Variants in COMMD1 observed in about 807,000 individuals in gnomAD.
COMMD1 encodes COMM domain-containing protein 1.
In COMMD1, 10 loss-of-function variants were observed where a neutral mutation model predicts 17.2. That is an observed-to-expected ratio of 0.58 (90% CI 0.36 to 0.99). The LOEUF (loss-of-function observed/expected upper bound fraction) is 0.99. COMMD1 is among the 50% of genes least tolerant of loss of function. COMMD1 has a pLI of 0.01. For missense variants in COMMD1, 270 were observed against 231.8 expected (o/e 1.17, Z -1.07); for synonymous variants, 97 against 91.6 (o/e 1.06, Z -0.34).
intron 1 of COMMD1, among the ~76,000 whole-genome samples, chr2:61,966,650 G>C (rs13429469): frequency 0.12 from 17,613 of 151,662 alleles, 2,435 homozygotes; most frequent in African/African-American, 0.33. Context: ...GTGGCAAAAA[G>C]AGGACTAATT....
At position 61,994,921 on chromosome 2, in the gene COMMD1, A is replaced by G. The variant is rs960178328; in HGVS notation, c.181-5780A>G. Among the ~76,000 whole-genome samples, 11 of 152,096 alleles carry G rather than the reference A, an allele frequency of 7.2e-5. No homozygotes were observed. The East Asian group carries it at 1.7e-3, about 24-fold the overall frequency. On this transcript the variant is annotated intron_variant, in intron 1 of 2. Coordinates refer to ENST00000311832, the MANE Select transcript of COMMD1 (RefSeq NM_152516.4). ...TTGTGATCTGTCTGGTTTGGAGCTT[A>G]TGCCAGTCCCCATGGCCACTAGCAG...
chr2:62,080,920 A>G (rs989768331), intron 2 of COMMD1, among the ~76,000 whole-genome samples: 1 of 151,916 alleles, frequency 6.6e-6, no homozygotes, highest in Non-Finnish European at 1.5e-5. Context: ...TAATAGCTGC[A>G]TAATACTTAT....
chr2:61,951,730 A>G (rs1263840048), intron 1 of COMMD1, among the ~76,000 whole-genome samples: 1 of 152,204 alleles, frequency 6.6e-6, no homozygotes, highest in Non-Finnish European at 1.5e-5. Flanking sequence ...ATTCAACATG[A>G]TAGCGAACAT....
At chr2:61,925,700 A>G (rs955152126) in intron 1 of COMMD1, among the ~76,000 whole-genome samples, 1 of 152,202 alleles carries the variant, frequency 6.6e-6, no homozygotes, top group Non-Finnish European at 1.5e-5. Flanking sequence ...TGTCCTTAAC[A>G]GTAGGACTTG....
At chr2:61,939,641 T>A (rs1032237086) in intron 1 of COMMD1, among the ~76,000 whole-genome samples, 11 of 152,210 alleles carry the variant, frequency 7.2e-5, no homozygotes, top group African/African-American at 4.8e-5. Context: ...AATAACTATA[T>A]TGTCATAAAA....
At chr2:62,036,778 T>G (rs1188956652) in intron 2 of COMMD1, among the ~76,000 whole-genome samples, 1 of 152,250 alleles carries the variant, frequency 6.6e-6, no homozygotes, top group Non-Finnish European at 1.5e-5. Flanking sequence ...AATTTAAGAT[T>G]TATTTTCAAA....
chr2:61,905,578 C>G (rs1669747881), upstream of COMMD1: 1 of 1,261,666 alleles, frequency 7.9e-7, no homozygotes, highest in Non-Finnish European at 1.1e-6. Context: ...TCCAGGTTCC[C>G]CGAGGTTCCC....
chr2:61,943,709 C>T (rs546687191), intron 1 of COMMD1, among the ~76,000 whole-genome samples: 3 of 152,218 alleles, frequency 2.0e-5, no homozygotes, highest in East Asian at 3.9e-4. Context: ...GTGGCACGCA[C>T]CTGTAATCCC....
intron 2 of COMMD1, among the ~76,000 whole-genome samples, chr2:62,078,876 C>CA (rs1210732920): frequency 8.2e-4 from 109 of 132,730 alleles, no homozygotes; most frequent in African/African-American, 2.9e-3. Context: ...GACTCCATCT[C>CA]AGAAAAAAAA....
At chr2:61,961,446 G>C (rs527323389) in intron 1 of COMMD1, among the ~76,000 whole-genome samples, 1 of 152,162 alleles carries the variant, frequency 6.6e-6, no homozygotes, top group Non-Finnish European at 1.5e-5. Flanking sequence ...TGTGGGCTGG[G>C]GCTTGTCTAG....
intron 1 of COMMD1, among the ~76,000 whole-genome samples, chr2:61,979,522 C>T (rs1350263860): frequency 1.3e-5 from 2 of 152,168 alleles, no homozygotes; most frequent in Middle Eastern, 3.4e-3. Flanking sequence ...TCAGCAATCC[C>T]ACTGCTAGGT....
chr2:62,117,853 T>C (rs1351670644), intron 2 of COMMD1, among the ~76,000 whole-genome samples: 1 of 152,140 alleles, frequency 6.6e-6, no homozygotes, highest in Non-Finnish European at 1.5e-5. Context: ...GGCATTTCGT[T>C]TTTCCCAAGG....
chr2:62,067,290 G>A lies in COMMD1; in HGVS notation c.462+66308G>A, dbSNP rs569727258. Among the ~76,000 whole-genome samples the A allele has an allele frequency of 2.4e-4, 37 of 151,846 alleles. 1 individual carries two copies. In the South Asian group the frequency reaches 4.6e-3, roughly 19 times the overall value. Reference sequence around the variant, plus strand: ...CAATGTTAGATGTGGAAAAAAGTACGGAACTTGGTCCTTATAAGTACTTAA... The same window carrying A: ...CAATGTTAGATGTGGAAAAAAGTACAGAACTTGGTCCTTATAAGTACTTAA... On this transcript the variant is annotated intron_variant, in intron 2 of 2. Transcript: ENST00000311832.
intron 2 of COMMD1, among the ~76,000 whole-genome samples, chr2:62,048,999 G>A (rs1335574996): frequency 2.0e-5 from 3 of 152,104 alleles, no homozygotes; most frequent in Non-Finnish European, 4.4e-5. Flanking sequence ...ATTTTTAGAT[G>A]TTATTGAACT....
intron 1 of COMMD1, among the ~76,000 whole-genome samples, chr2:61,951,225 A>T (rs911534825): frequency 6.6e-6 from 1 of 152,054 alleles, no homozygotes; most frequent in Non-Finnish European, 1.5e-5. Flanking sequence ...GCACTTCGGG[A>T]GGTGGAGGCG....
At chr2:61,941,515 A>G (rs1670746886) in intron 1 of COMMD1, among the ~76,000 whole-genome samples, 1 of 152,210 alleles carries the variant, frequency 6.6e-6, no homozygotes, top group African/African-American at 2.4e-5. Context: ...TTATAAAGCT[A>G]GTTCCATATG....
At chr2:61,978,910 T>A (rs1671875603) in intron 1 of COMMD1, among the ~76,000 whole-genome samples, 1 of 152,204 alleles carries the variant, frequency 6.6e-6, no homozygotes, top group East Asian at 1.9e-4. Context: ...AATAATCATA[T>A]CAGGGGAAAT....
At chr2:61,984,690 A>G (rs1672055705) in intron 1 of COMMD1, among the ~76,000 whole-genome samples, 1 of 152,202 alleles carries the variant, frequency 6.6e-6, no homozygotes, top group African/African-American at 2.4e-5. Context: ...TATAGTGCAG[A>G]TGAAGTTAAA....
rs1009848303 is a variant in COMMD1 at position 61,892,878 on chromosome 2, T to TC, written n.119+4042dup. ...TACTGTTTGCATCGTTCTTTTTTTT[T>TC]CCCCCCTGAAACGGAGTCTCGCTCT... On this transcript the variant is annotated intron_variant and non_coding_transcript_variant, in intron 1 of 2. Coordinates refer to the COMMD1 transcript ENST00000472729. Among the ~76,000 whole-genome samples the TC allele has an allele frequency of 7.4e-4, 112 of 151,584 alleles. 3 individuals are homozygous for TC. Among genetic ancestry groups the TC allele is most frequent in the African/African-American group, 2.4e-3 (97 of 41,048 alleles).
Sources: allele counts gnomAD v4.1 joint callset (sites outside exome capture counted in the v4.1 genomes callset), GRCh38; gene constraint gnomAD v4.1.1; transcripts MANE v1.5; gene names NCBI Gene and HGNC (gene_info 2026-07-23, HGNC 2026-07-21).